The following DCC variants were observed in gnomAD, a reference collection of about 807,000 sequenced individuals.
DCC encodes the protein DCC netrin 1 receptor.
A neutral mutation model predicts 172.5 loss-of-function variants in DCC; 58 were observed. The observed-to-expected ratio is 0.34, with a 90% CI of 0.27 to 0.42. The LOEUF is 0.42. DCC is among the 10% of genes least tolerant of loss of function. DCC has a pLI of 1.00. For synonymous variants in DCC, 709 were observed against 644.5 expected, an observed-to-expected ratio of 1.10 and a Z score of -1.52; for missense variants, 1,740 against 1,791.0, an observed-to-expected ratio of 0.97 and a Z score of 0.51.
chr18:53,211,422 A>T (rs2055750279), intron 11 of DCC, among the ~76,000 whole-genome samples: 1 of 152,166 alleles, frequency 6.6e-6, no homozygotes, highest in African/African-American at 2.4e-5. Flanking sequence ...GAAAATGCTT[A>T]TAATTAAATA....
At chr18:52,649,363 A>G (rs929291839) in intron 1 of DCC, among the ~76,000 whole-genome samples, 51 of 106,698 alleles carry the variant, frequency 4.8e-4, no homozygotes, top group African/African-American at 1.5e-3. Flanking sequence ...ACAGAGTGAG[A>G]TTCCGTATCA....
At chr18:52,573,607 C>A (rs2033348936) in intron 1 of DCC, among the ~76,000 whole-genome samples, 1 of 152,138 alleles carries the variant, frequency 6.6e-6, no homozygotes, top group South Asian at 2.1e-4. Context: ...CTTTTAATTA[C>A]CAAGGGCTGA....
chr18:52,927,158 C>T (rs936037257), intron 5 of DCC, among the ~76,000 whole-genome samples: 450 of 25,446 alleles, frequency 0.018, 85 homozygotes, highest in Middle Eastern at 0.042. Flanking sequence ...TGTATATATA[C>T]GTATATATGT....
chr18:53,055,055 G>A (rs902241760), intron 5 of DCC, among the ~76,000 whole-genome samples: 5 of 152,090 alleles, frequency 3.3e-5, no homozygotes, highest in African/African-American at 1.2e-4. Flanking sequence ...GCCAGAAGAT[G>A]ACTGATTGCC....
chr18:53,512,306 T>TCTGTACATCACCATCATCAAAGACCA (rs1437341466), intron 27 of DCC, among the ~76,000 whole-genome samples: 2 of 148,046 alleles, frequency 1.4e-5, no homozygotes, highest in African/African-American at 2.5e-5. Context: ...CAAAAACCCA[T>TCTGTACATCACCATCATCAAAGACCA]CTGTACATCA....
At chr18:52,719,037 C>T (rs1392111095) in intron 1 of DCC, among the ~76,000 whole-genome samples, 1 of 152,126 alleles carries the variant, frequency 6.6e-6, no homozygotes, top group Non-Finnish European at 1.5e-5. Flanking sequence ...CTTACAGCTC[C>T]TGATGGCCCC....
intron 7 of DCC, among the ~76,000 whole-genome samples, chr18:53,151,380 A>G (rs935361603): frequency 2.6e-5 from 4 of 152,180 alleles, no homozygotes; most frequent in African/African-American, 4.8e-5. Flanking sequence ...TGAGTCCTCA[A>G]ATTAATTGCC....
chr18:53,329,393 A>G (rs1022243741), intron 14 of DCC, among the ~76,000 whole-genome samples: 7 of 152,062 alleles, frequency 4.6e-5, no homozygotes, highest in African/African-American at 1.7e-4. Flanking sequence ...ACACTGCACT[A>G]AAAACCTATT....
chr18:53,041,414 G>A (rs1490888374), intron 5 of DCC, among the ~76,000 whole-genome samples: 1 of 152,030 alleles, frequency 6.6e-6, no homozygotes, highest in East Asian at 1.9e-4. Context: ...TTTGGTTACT[G>A]TAGCCTTGTA....
intron 2 of DCC, among the ~76,000 whole-genome samples, chr18:52,837,107 C>G (rs751074898): frequency 6.6e-6 from 1 of 152,150 alleles, no homozygotes; most frequent in Non-Finnish European, 1.5e-5. Flanking sequence ...GTCTGGGAAA[C>G]AGGGCACCAA....
intron 1 of DCC, among the ~76,000 whole-genome samples, chr18:52,589,929 T>A (rs2144794727): frequency 6.6e-6 from 1 of 152,318 alleles, no homozygotes; most frequent in African/African-American, 2.4e-5. Context: ...ACTGCTGAAT[T>A]TTTTGTTGAT....
intron 5 of DCC, among the ~76,000 whole-genome samples, chr18:53,018,704 A>C (rs932933094): frequency 6.6e-6 from 1 of 152,188 alleles, no homozygotes; most frequent in East Asian, 1.9e-4. Flanking sequence ...ACAAATGAAT[A>C]GATGAAAGAA....
rs572423314 is a variant in DCC, at chr18:53,321,860, A to C, written c.2054-187A>C. Among the ~76,000 whole-genome samples, 43 of 152,354 alleles carry C rather than the reference A, an allele frequency of 2.8e-4. No homozygotes were observed. The South Asian group carries it at 8.7e-3, about 31-fold the overall frequency. ...GGAAAAAAACTCATAAGAATGTATA[A>C]AAATTAATTTGATTTCTTGCTATGA... is the stretch of plus-strand genomic sequence containing the variant. On this transcript the variant is annotated intron_variant, in intron 13 of 28. Coordinates refer to ENST00000442544, the MANE Select transcript of DCC (RefSeq NM_005215.4).
At chr18:52,846,788 G>A (rs1278794727) in intron 2 of DCC, among the ~76,000 whole-genome samples, 2 of 151,972 alleles carry the variant, frequency 1.3e-5, no homozygotes, top group Admixed American at 6.6e-5. Flanking sequence ...AAAAGTAGTG[G>A]TGGAGAAAGA....
chr18:52,588,677 G>A (rs888434910), intron 1 of DCC, among the ~76,000 whole-genome samples: 2 of 152,084 alleles, frequency 1.3e-5, no homozygotes, highest in Non-Finnish European at 2.9e-5. Context: ...GGACAGTTTT[G>A]GGGGAGAAAA....
At chr18:53,098,070 T>G (rs1166142857) in intron 7 of DCC, among the ~76,000 whole-genome samples, 1 of 152,172 alleles carries the variant, frequency 6.6e-6, no homozygotes, top group African/African-American at 2.4e-5. Flanking sequence ...TCTGACTTCC[T>G]ACAGAGTACA....
chr18:52,679,206 A>C (rs1033664486), intron 1 of DCC, among the ~76,000 whole-genome samples: 10 of 152,054 alleles, frequency 6.6e-5, no homozygotes, highest in African/African-American at 2.4e-4. Flanking sequence ...ATATGAAGGA[A>C]TGCATTATTA....
chr18:52,636,275 G>T lies in DCC; in HGVS notation c.92-115779G>T. On this transcript the variant is annotated intron_variant, in intron 1 of 28. Transcript: ENST00000442544. Reference sequence around the variant, plus strand: ...AGAGGACCAGGGGCTAAAACTACACGGGGAGAAGCAAATCTCTAGATGAAC... The same window carrying T: ...AGAGGACCAGGGGCTAAAACTACACTGGGAGAAGCAAATCTCTAGATGAAC... Among the ~76,000 whole-genome samples the T allele has an allele frequency of 1.3e-5, 2 of 152,198 alleles. 1 individual carries two copies. Among genetic ancestry groups the T allele is most frequent in the South Asian group, 4.2e-4 (2 of 4,798 alleles).
At chr18:53,132,744 A>G (rs2043677539) in intron 7 of DCC, among the ~76,000 whole-genome samples, 1 of 152,130 alleles carries the variant, frequency 6.6e-6, no homozygotes, top group Non-Finnish European at 1.5e-5. Context: ...TCCTGATGCA[A>G]GCATGTCAGG....
Sources: gnomAD v4.1 joint callset for allele counts (sites outside exome capture counted in the v4.1 genomes callset) on GRCh38, gnomAD v4.1.1 for gene constraint, MANE v1.5 for transcripts, NCBI Gene and HGNC (gene_info 2026-07-23, HGNC 2026-07-21) for gene names.